PHB1: variants seen among roughly 807,000 people sequenced by gnomAD.
PHB1 encodes epididymis luminal protein 215.
chr17:49,405,885 TCCAGGCAC>T, the PHB1 span, among the ~76,000 whole-genome samples: 1,159 of 152,310 alleles, frequency 7.6e-3, 87 homozygotes, highest in East Asian at 0.18. Flanking sequence ...CTGACCAGAA[TCCAGGCAC>T]CCAGAGTGAG....
At chr17:49,404,695 T>A in the PHB1 span, 2 of 434,732 alleles carry the variant, frequency 4.6e-6, no homozygotes, top group Admixed American at 7.1e-5. Context: ...CAAATGCTGG[T>A]GCCCAGGCCG....
the PHB1 span, chr17:49,404,794 T>C: frequency 8.5e-6 from 5 of 589,352 alleles, no homozygotes; most frequent in African/African-American, 3.7e-5. Flanking sequence ...AAAAAGTAGA[T>C]GGATGTGAGA....
At chr17:49,411,680 T>C in the PHB1 span, 1 of 1,613,912 alleles carries the variant, frequency 6.2e-7, no homozygotes. Flanking sequence ...AGACTCACCT[T>C]TGCTACCAGT....
chr17:49,409,548 T>G, the PHB1 span: 38 of 956,804 alleles, frequency 4.0e-5, no homozygotes, highest in South Asian at 2.5e-4. Context: ...TTTTTGTTTT[T>G]TTTTTTTTTT....
the PHB1 span, chr17:49,408,956 C>G: frequency 1.3e-6 from 1 of 798,286 alleles, no homozygotes; most frequent in Non-Finnish European, 2.1e-6. Flanking sequence ...AAGGGAGGAC[C>G]TAATAGCGTC....
At chr17:49,413,131 A>G in the PHB1 span, 1 of 1,406,448 alleles carries the variant, frequency 7.1e-7, no homozygotes, top group Non-Finnish European at 1.0e-6. Flanking sequence ...GACCAACAGA[A>G]AACTCCTAGG....
the PHB1 span, among the ~76,000 whole-genome samples, chr17:49,413,527 G>T: frequency 1.5e-5 from 2 of 133,114 alleles, no homozygotes; most frequent in Non-Finnish European, 1.6e-5. Context: ...TTTTTTTTTG[G>T]AGACAGGGTC....
chr17:49,413,483 T>C, the PHB1 span, among the ~76,000 whole-genome samples: 1 of 50,950 alleles, frequency 2.0e-5, no homozygotes, highest in Non-Finnish European at 3.5e-5. Context: ...ATTCTTCTGC[T>C]TTTTTTTTTT....
the PHB1 span, chr17:49,412,546 G>A: frequency 6.5e-6 from 1 of 152,910 alleles, no homozygotes; most frequent in East Asian, 1.9e-4. Context: ...TCAATCTATT[G>A]CTGCTTTGCA....
the PHB1 span, chr17:49,412,245 C>T: frequency 1.2e-5 from 2 of 171,336 alleles, no homozygotes; most frequent in African/African-American, 4.8e-5. Context: ...AGAAGTAGCA[C>T]CCTCATTATG....
chr17:49,406,807 T>C, the PHB1 span: 16 of 1,613,934 alleles, frequency 9.9e-6, no homozygotes, highest in Admixed American at 2.3e-4. Flanking sequence ...GAGCCACCTG[T>C]TTGGCTTCCA....
the PHB1 span, chr17:49,412,047 G>A: frequency 1.1e-5 from 6 of 536,216 alleles, no homozygotes; most frequent in African/African-American, 7.6e-5. Context: ...CCAAGGATTG[G>A]TAATAGGACC....
At chr17:49,405,288 C>T in the PHB1 span, 6 of 1,187,392 alleles carry the variant, frequency 5.1e-6, no homozygotes, top group Non-Finnish European at 7.3e-6. Context: ...ACCAGAAAGC[C>T]ACCTTCCCAG....
chr17:49,404,734 T>G, the PHB1 span: 1 of 514,886 alleles, frequency 1.9e-6, no homozygotes, highest in Non-Finnish European at 3.5e-6. Flanking sequence ...AATTGGGACC[T>G]AAAGCTGGTT....
the PHB1 span, among the ~76,000 whole-genome samples, chr17:49,414,073 A>G: frequency 6.6e-6 from 1 of 152,246 alleles, no homozygotes; most frequent in Non-Finnish European, 1.5e-5. Flanking sequence ...TATATCAGGT[A>G]GCCTAATAAA....
At chr17:49,404,748 A>C in the PHB1 span, 4 of 541,708 alleles carry the variant, frequency 7.4e-6, no homozygotes, top group East Asian at 1.3e-4. Flanking sequence ...GCTGGTTTGC[A>C]TAGGCACTTG....
At chr17:49,407,923 A>G in the PHB1 span, among the ~76,000 whole-genome samples, 1 of 152,216 alleles carries the variant, frequency 6.6e-6, no homozygotes, top group Admixed American at 6.5e-5. Flanking sequence ...AATAAAATTT[A>G]TTTCTACAAG....
At chr17:49,406,647 T>C in the PHB1 span, 3 of 786,086 alleles carry the variant, frequency 3.8e-6, no homozygotes, top group Non-Finnish European at 6.8e-6. Flanking sequence ...CTTCTGATTA[T>C]CCCGGAAGAA....
At chr17:49,404,657 A>C in the PHB1 span, 2 of 383,970 alleles carry the variant, frequency 5.2e-6, no homozygotes, top group Non-Finnish European at 1.0e-5. Flanking sequence ...TCCCCAGTCC[A>C]TCACATACTG....
Sources: allele counts gnomAD v4.1 joint callset (sites outside exome capture counted in the v4.1 genomes callset), GRCh38; gene constraint gnomAD v4.1.1; transcripts MANE v1.5; gene names NCBI Gene and HGNC (gene_info 2026-07-23, HGNC 2026-07-21).